FTO: variants seen among roughly 807,000 people sequenced by gnomAD.
FTO encodes alpha-ketoglutarate-dependent dioxygenase FTO.
FTO carries 47 observed loss-of-function variants against 63.9 expected under a neutral mutation model. The ratio of observed to expected loss-of-function variants is 0.74; its 90% CI spans 0.58 to 0.94. The LOEUF is 0.94. FTO is among the 40% of genes least tolerant of loss of function. The probability of loss-of-function intolerance (pLI) is 0.00; values close to 1 mark genes in which losing one functional copy is unlikely to be tolerated. For missense variants in FTO, 562 were observed against 618.1 expected (o/e 0.91, Z 0.96); for synonymous variants, 207 against 224.4 (o/e 0.92, Z 0.69).
intron 1 of FTO, among the ~76,000 whole-genome samples, chr16:53,751,665 T>C (rs2076797230): frequency 6.6e-6 from 1 of 152,170 alleles, no homozygotes; most frequent in Non-Finnish European, 1.5e-5. Context: ...GAGTGAGGGC[T>C]GATCGGTGCA....
At chr16:53,950,918 T>A (rs115050264) in intron 8 of FTO, among the ~76,000 whole-genome samples, 6,376 of 152,258 alleles carry the variant, frequency 0.042, 419 homozygotes, top group African/African-American at 0.14. Flanking sequence ...GCACCTAGGC[T>A]CTTTCCTACA....
At chr16:53,771,764 A>G (rs1286346720) in intron 1 of FTO, among the ~76,000 whole-genome samples, 4 of 152,152 alleles carry the variant, frequency 2.6e-5, no homozygotes, top group East Asian at 1.9e-4. Context: ...TAACCATACA[A>G]TGGAATATTA....
intron 4 of FTO, among the ~76,000 whole-genome samples, chr16:53,860,328 A>G (rs1259165435): frequency 6.6e-6 from 1 of 152,230 alleles, no homozygotes; most frequent in Non-Finnish European, 1.5e-5. Flanking sequence ...GATGTTGGGT[A>G]GATGTTGGTC....
chr16:54,008,918 A>G (rs1042460121), intron 8 of FTO, among the ~76,000 whole-genome samples: 5 of 151,766 alleles, frequency 3.3e-5, no homozygotes, highest in Non-Finnish European at 4.4e-5. Context: ...AGGCTGAGGT[A>G]GGAGGTTTGT....
At chr16:53,948,348 A>G (rs2082696968) in intron 8 of FTO, among the ~76,000 whole-genome samples, 1 of 152,232 alleles carries the variant, frequency 6.6e-6, no homozygotes, top group African/African-American at 2.4e-5. Flanking sequence ...AATGCTAGTG[A>G]ACTCAGACCA....
intron 7 of FTO, 55 bp downstream of exon 7, chr16:53,889,006 C>G: frequency 6.3e-7 from 1 of 1,579,184 alleles, no homozygotes; most frequent in Non-Finnish European, 8.7e-7. Context: ...TATACAAATC[C>G]TCCACTGCCT....
intron 1 of FTO, among the ~76,000 whole-genome samples, chr16:53,797,328 G>A (rs1012727431): frequency 2.0e-5 from 3 of 152,168 alleles, no homozygotes; most frequent in African/African-American, 7.2e-5. Flanking sequence ...AATGTATAGT[G>A]ACATGTACTT....
At chr16:54,032,362 T>C (rs2084851957) in intron 8 of FTO, among the ~76,000 whole-genome samples, 1 of 152,178 alleles carries the variant, frequency 6.6e-6, no homozygotes, top group South Asian at 2.1e-4. Flanking sequence ...CAAGTGGACA[T>C]TTGGAGGCTC....
chr16:53,791,610 A>G (rs905506620), intron 1 of FTO, among the ~76,000 whole-genome samples: 16 of 152,216 alleles, frequency 1.1e-4, no homozygotes, highest in Admixed American at 9.2e-4. Context: ...CTTTATTACA[A>G]TGACTATTTA....
intron 7 of FTO, among the ~76,000 whole-genome samples, chr16:53,905,136 C>T (rs2081505067): frequency 6.6e-6 from 1 of 152,050 alleles, no homozygotes; most frequent in South Asian, 2.1e-4. Flanking sequence ...ACATCTCTTG[C>T]TGTGTTATCT....
intron 7 of FTO, among the ~76,000 whole-genome samples, chr16:53,898,798 G>T (rs2081335861): frequency 6.6e-6 from 1 of 152,074 alleles, no homozygotes. Flanking sequence ...GCCCACCTCA[G>T]CCTCCTGAGT....
chr16:53,820,341 C>G (rs1017311965), intron 2 of FTO, among the ~76,000 whole-genome samples: 1 of 152,000 alleles, frequency 6.6e-6, no homozygotes, highest in South Asian at 2.1e-4. Flanking sequence ...AGCTTGTGAT[C>G]TTACAGGACA....
chr16:53,748,726 G>A (rs1481013195), intron 1 of FTO, among the ~76,000 whole-genome samples: 2 of 152,102 alleles, frequency 1.3e-5, no homozygotes, highest in African/African-American at 2.4e-5. Flanking sequence ...TTACAGGTGT[G>A]AGCCACTGTG....
intron 8 of FTO, among the ~76,000 whole-genome samples, chr16:54,013,783 G>A (rs1408469914): frequency 6.6e-6 from 1 of 152,160 alleles, no homozygotes; most frequent in Non-Finnish European, 1.5e-5. Flanking sequence ...ATTGTAGTCT[G>A]CTATGCATGC....
intron 1 of FTO, among the ~76,000 whole-genome samples, chr16:53,760,504 C>T (rs2077040302): frequency 6.6e-6 from 1 of 152,004 alleles, no homozygotes; most frequent in Non-Finnish European, 1.5e-5. Context: ...CACTGGCCTC[C>T]CAAAGTACTG....
At chr16:53,999,377 G>C (rs951950949) in intron 8 of FTO, among the ~76,000 whole-genome samples, 1 of 152,158 alleles carries the variant, frequency 6.6e-6, no homozygotes, top group Non-Finnish European at 1.5e-5. Context: ...AAGACTTTCC[G>C]GGTAAAGTTT....
At chr16:53,810,026 T>C (rs932528803) in intron 1 of FTO, 114 bp from the exon 2 acceptor site, 1 of 679,470 alleles carries the variant, frequency 1.5e-6, no homozygotes, top group Non-Finnish European at 2.7e-6. Context: ...TCTAAAAGAT[T>C]ATAAATTCAA....
intron 7 of FTO, among the ~76,000 whole-genome samples, chr16:53,910,105 A>G (rs931023476): frequency 6.6e-6 from 1 of 152,082 alleles, no homozygotes; most frequent in African/African-American, 2.4e-5. Context: ...CCAGGTTGGG[A>G]CGGAGCCCAT....
intron 1 of FTO, among the ~76,000 whole-genome samples, chr16:53,728,260 C>T (rs1210864408): frequency 6.6e-6 from 1 of 151,928 alleles, no homozygotes; most frequent in Non-Finnish European, 1.5e-5. Flanking sequence ...AGTCAGAAGA[C>T]AATACTTGAG....
Sources: allele counts gnomAD v4.1 joint callset (sites outside exome capture counted in the v4.1 genomes callset), GRCh38; gene constraint gnomAD v4.1.1; transcripts MANE v1.5; gene names NCBI Gene and HGNC (gene_info 2026-07-23, HGNC 2026-07-21).